Variants in POPDC1 observed in about 807,000 individuals in gnomAD.
POPDC1 encodes the protein popeye domain cAMP effector 1.
chr6:105,106,491 G>A, the POPDC1 span, among the ~76,000 whole-genome samples: 9 of 152,352 alleles, frequency 5.9e-5, no homozygotes, highest in Non-Finnish European at 1.0e-4. Context: ...AGTCCTGAGC[G>A]AAACAGTGGA....
At chr6:105,103,534 T>C in the POPDC1 span, among the ~76,000 whole-genome samples, 1 of 152,042 alleles carries the variant, frequency 6.6e-6, no homozygotes, top group Non-Finnish European at 1.5e-5. Flanking sequence ...TTGGGTCTCA[T>C]AAATATTAAC....
At chr6:105,122,642 G>C in the POPDC1 span, among the ~76,000 whole-genome samples, 1 of 152,266 alleles carries the variant, frequency 6.6e-6, no homozygotes, top group South Asian at 2.1e-4. Context: ...ACTATACACA[G>C]AGAAATACAG....
the POPDC1 span, among the ~76,000 whole-genome samples, chr6:105,105,389 T>C: frequency 3.4e-4 from 52 of 152,262 alleles, no homozygotes; most frequent in East Asian, 2.1e-3. Context: ...TTCTGTACCA[T>C]TGAGGGCCAA....
At chr6:105,126,231 A>C in the POPDC1 span, among the ~76,000 whole-genome samples, 6,026 of 151,534 alleles carry the variant, frequency 0.04, 409 homozygotes, top group African/African-American at 0.14. Flanking sequence ...GGTATCAAAA[A>C]AAAATAAAAA....
At chr6:105,136,970 CG>C in the POPDC1 span, 1 of 152,270 alleles carries the variant, frequency 6.6e-6, no homozygotes, top group East Asian at 1.9e-4. Context: ...CATCCTTACC[CG>C]GCTGGTCCCT....
chr6:105,130,777 C>A, the POPDC1 span, among the ~76,000 whole-genome samples: 1 of 152,104 alleles, frequency 6.6e-6, no homozygotes, highest in Non-Finnish European at 1.5e-5. Context: ...CTAAATATAT[C>A]TAAACATGGA....
chr6:105,130,215 T>A, the POPDC1 span, among the ~76,000 whole-genome samples: 1 of 152,166 alleles, frequency 6.6e-6, no homozygotes, highest in African/African-American at 2.4e-5. Flanking sequence ...AATTTTAAAA[T>A]CTCCTTTTTG....
chr6:105,100,149 T>C, the POPDC1 span: 1 of 152,152 alleles, frequency 6.6e-6, no homozygotes, highest in African/African-American at 2.4e-5. Flanking sequence ...AGTGGAGTAA[T>C]ACTTCTGGCC....
At chr6:105,125,546 G>A in the POPDC1 span, 1 of 1,614,020 alleles carries the variant, frequency 6.2e-7, no homozygotes, top group Non-Finnish European at 8.5e-7. Flanking sequence ...ACAATCGCCG[G>A]TACATGCCAC....
At chr6:105,119,095 GAATCC>G in the POPDC1 span, among the ~76,000 whole-genome samples, 1 of 147,066 alleles carries the variant, frequency 6.8e-6, no homozygotes, top group Non-Finnish European at 1.5e-5. Context: ...TGAGGCACAA[GAATCC>G]CTTGAACCTG....
At chr6:105,107,191 A>G in the POPDC1 span, among the ~76,000 whole-genome samples, 1 of 152,102 alleles carries the variant, frequency 6.6e-6, no homozygotes, top group Non-Finnish European at 1.5e-5. Context: ...AACTTCTACA[A>G]ATATGTGAGA....
the POPDC1 span, among the ~76,000 whole-genome samples, chr6:105,108,254 T>C: frequency 6.6e-6 from 1 of 152,138 alleles, no homozygotes. Context: ...GAGGGCAGGA[T>C]TCAGGCTGGC....
the POPDC1 span, among the ~76,000 whole-genome samples, chr6:105,101,529 T>C: frequency 6.6e-6 from 1 of 152,202 alleles, no homozygotes; most frequent in South Asian, 2.1e-4. Context: ...TCAGAACGCA[T>C]GTTCCTACAT....
chr6:105,130,260 C>A, the POPDC1 span, among the ~76,000 whole-genome samples: 2 of 152,108 alleles, frequency 1.3e-5, no homozygotes, highest in Non-Finnish European at 2.9e-5. Context: ...TCATTAAACT[C>A]TTTGCCAGCA....
At chr6:105,100,844 T>C in the POPDC1 span, 1 of 296,008 alleles carries the variant, frequency 3.4e-6, no homozygotes. Context: ...TGTGAAAATA[T>C]ATATCTCAAA....
At chr6:105,120,183 C>T in the POPDC1 span, among the ~76,000 whole-genome samples, 1 of 12,198 alleles carries the variant, frequency 8.2e-5, no homozygotes, top group African/African-American at 1.7e-4. Flanking sequence ...GGCGTGAACC[C>T]GGGAGGCGGA....
At chr6:105,132,021 A>C in the POPDC1 span, among the ~76,000 whole-genome samples, 1 of 147,410 alleles carries the variant, frequency 6.8e-6, no homozygotes, top group Admixed American at 6.9e-5. Flanking sequence ...GTTGGAGTGC[A>C]GTGGCACAAT....
chr6:105,117,007 CAA>C, the POPDC1 span: 1 of 844,116 alleles, frequency 1.2e-6, no homozygotes, highest in Admixed American at 3.4e-5. Context: ...AAAGGAGACT[CAA>C]TGCACACAAG....
the POPDC1 span, among the ~76,000 whole-genome samples, chr6:105,127,667 C>G: frequency 6.6e-6 from 1 of 151,952 alleles, no homozygotes; most frequent in Non-Finnish European, 1.5e-5. Flanking sequence ...AACTCCTGGG[C>G]TCAAGAGATC....
Sources: gnomAD v4.1 joint callset for allele counts (sites outside exome capture counted in the v4.1 genomes callset) on GRCh38, gnomAD v4.1.1 for gene constraint, MANE v1.5 for transcripts, NCBI Gene and HGNC (gene_info 2026-07-23, HGNC 2026-07-21) for gene names.